Variants in NRG3 observed in about 807,000 individuals in gnomAD.
NRG3 encodes pro-neuregulin-3, membrane-bound isoform.
A neutral mutation model predicts 66.9 loss-of-function variants in NRG3; 31 were observed. The observed-to-expected ratio is 0.46, with a 90% CI of 0.35 to 0.63. The LOEUF is 0.63. NRG3 is among the 20% of genes least tolerant of loss of function. The pLI, the probability that NRG3 is intolerant of heterozygous loss-of-function variation, is 0.00. For synonymous variants in NRG3, 393 were observed against 359.4 expected, an observed-to-expected ratio of 1.09 and a Z score of -1.06; for missense variants, 910 against 878.9, an observed-to-expected ratio of 1.04 and a Z score of -0.45.
intron 2 of NRG3, among the ~76,000 whole-genome samples, chr10:82,479,759 A>AG (rs891956550): frequency 1.3e-4 from 19 of 151,470 alleles, no homozygotes; most frequent in Admixed American, 3.3e-4. Context: ...CGAGGTCAGG[A>AG]GATTGAGACC....
chr10:82,721,445 A>G (rs1345634581), intron 2 of NRG3, among the ~76,000 whole-genome samples: 1 of 135,454 alleles, frequency 7.4e-6, no homozygotes, highest in Non-Finnish European at 1.6e-5. Context: ...GCCTTGAAAC[A>G]GAGTTTCACT....
intron 2 of NRG3, among the ~76,000 whole-genome samples, chr10:82,414,457 T>C (rs185426716): frequency 1.3e-5 from 2 of 152,000 alleles, no homozygotes; most frequent in Middle Eastern, 6.3e-3. Context: ...ATAAAAATCA[T>C]GAAAAAGTTT....
At chr10:82,331,436 G>A (rs2082129311) in intron 1 of NRG3, among the ~76,000 whole-genome samples, 1 of 152,108 alleles carries the variant, frequency 6.6e-6, no homozygotes, top group Admixed American at 6.5e-5. Flanking sequence ...CTTTAACTCA[G>A]TATTTCCTAA....
At chr10:82,523,878 G>T (rs1259702414) in intron 2 of NRG3, among the ~76,000 whole-genome samples, 1 of 152,002 alleles carries the variant, frequency 6.6e-6, no homozygotes, top group Non-Finnish European at 1.5e-5. Flanking sequence ...TTTCCTGATT[G>T]AATTTCTCTG....
intron 1 of NRG3, among the ~76,000 whole-genome samples, chr10:81,915,332 G>C (rs964985067): frequency 6.6e-6 from 1 of 152,104 alleles, no homozygotes; most frequent in Non-Finnish European, 1.5e-5. Context: ...CTCGTGGTTG[G>C]TCAGCTGCCT....
intron 1 of NRG3, among the ~76,000 whole-genome samples, chr10:82,156,604 A>C (rs919082738): frequency 6.6e-6 from 1 of 151,370 alleles, no homozygotes; most frequent in Non-Finnish European, 1.5e-5. Context: ...GGATGTCTGT[A>C]AAAAAAAGAA....
At chr10:82,314,185 G>T (rs3862546) in intron 1 of NRG3, among the ~76,000 whole-genome samples, 2,816 of 152,222 alleles carry the variant, frequency 0.018, 86 homozygotes, top group African/African-American at 0.064. Context: ...CATTTGTAAG[G>T]AAGCATTTTA....
chr10:82,715,173 T>C (rs1012450034), intron 2 of NRG3, among the ~76,000 whole-genome samples: 5 of 152,088 alleles, frequency 3.3e-5, no homozygotes, highest in Admixed American at 2.6e-4. Flanking sequence ...AGTAGGTGGA[T>C]CGCTTGAGGC....
chr10:82,219,506 G>C (rs2075840322), intron 1 of NRG3, among the ~76,000 whole-genome samples: 1 of 151,828 alleles, frequency 6.6e-6, no homozygotes, highest in Non-Finnish European at 1.5e-5. Flanking sequence ...ACCTGATTTT[G>C]TGTTTCTTCT....
At chr10:81,915,421 G>T (rs1397951278) in intron 1 of NRG3, among the ~76,000 whole-genome samples, 3 of 151,864 alleles carry the variant, frequency 2.0e-5, no homozygotes, top group South Asian at 2.1e-4. Flanking sequence ...AGGAGATGAG[G>T]TGGGTGTTGG....
At chr10:82,059,904 A>G (rs2064048461) in intron 1 of NRG3, among the ~76,000 whole-genome samples, 1 of 152,120 alleles carries the variant, frequency 6.6e-6, no homozygotes, top group Admixed American at 6.6e-5. Context: ...ATTGTATTTG[A>G]ATATGTTGTA....
rs147583955 is a variant in NRG3 at position 82,917,147 on chromosome 10, G to C, written c.1055-34322G>C. 1.0e-3 allele frequency among the ~76,000 whole-genome samples: 153 copies of C among 152,292 alleles called. No homozygotes were observed. The South Asian group carries it at 0.011, about 11-fold the overall frequency. ...ACTTTGTCAGTAAGGAATTTGATAA[G>C]GGGGAAGAAAATTAAACAGGGTCCT... On this transcript the variant is annotated intron_variant, in intron 4 of 8. Coordinates refer to ENST00000372141, the MANE Select transcript of NRG3 (RefSeq NM_001010848.4).
chr10:82,154,615 G>A (rs2071046858), intron 1 of NRG3, among the ~76,000 whole-genome samples: 2 of 151,556 alleles, frequency 1.3e-5, no homozygotes, highest in Admixed American at 6.6e-5. Context: ...AATGCCATTG[G>A]AATTTTGATA....
intron 4 of NRG3, among the ~76,000 whole-genome samples, chr10:82,903,955 G>A (rs957035893): frequency 6.6e-6 from 1 of 152,176 alleles, no homozygotes; most frequent in Non-Finnish European, 1.5e-5. Flanking sequence ...ACTTACAGAT[G>A]TGTTGACTCT....
chr10:82,037,352 A>T (rs965461656), intron 1 of NRG3, among the ~76,000 whole-genome samples: 1 of 152,152 alleles, frequency 6.6e-6, no homozygotes, highest in Admixed American at 6.6e-5. Flanking sequence ...GGAGCTCAGC[A>T]GTTTGAAGTC....
intron 3 of NRG3, among the ~76,000 whole-genome samples, chr10:82,828,381 A>C (rs2062347322): frequency 6.6e-6 from 1 of 152,122 alleles, no homozygotes; most frequent in South Asian, 2.1e-4. Flanking sequence ...GAAGCATCTT[A>C]ACTGGAGGCC....
intron 1 of NRG3, among the ~76,000 whole-genome samples, chr10:81,921,158 A>C (rs921090923): frequency 3.4e-4 from 51 of 152,134 alleles, no homozygotes; most frequent in African/African-American, 1.1e-3. Context: ...TATAATAAAT[A>C]AATAAATAAA....
At chr10:82,134,805 A>G (rs997699654) in intron 1 of NRG3, among the ~76,000 whole-genome samples, 14 of 151,962 alleles carry the variant, frequency 9.2e-5, no homozygotes, top group African/African-American at 3.4e-4. Context: ...ATTTATGTTC[A>G]TCTAAATTTT....
Position 81,947,203 on chromosome 10 carries a change from G to A in NRG3, c.823+71040G>A, listed in dbSNP as rs187629853. Among the ~76,000 whole-genome samples, 659 of 152,084 alleles carry A rather than the reference G, an allele frequency of 4.3e-3. 4 individuals carry two copies. Among genetic ancestry groups the A allele is most frequent in the African/African-American group, 0.015 (621 of 41,474 alleles). Reference sequence around the variant, plus strand: ...TATCCACCCTGAGTCTCTTCATGCCGTCTTCTCTCTATGCATGTCCCTCTG... The same window carrying A: ...TATCCACCCTGAGTCTCTTCATGCCATCTTCTCTCTATGCATGTCCCTCTG... On this transcript the variant is annotated intron_variant, in intron 1 of 8. Transcript: ENST00000372141.
Sources: allele counts gnomAD v4.1 joint callset (sites outside exome capture counted in the v4.1 genomes callset), GRCh38; gene constraint gnomAD v4.1.1; transcripts MANE v1.5; gene names NCBI Gene and HGNC (gene_info 2026-07-23, HGNC 2026-07-21).